TBC1D8: variants seen among roughly 807,000 people sequenced by gnomAD.
The protein encoded by TBC1D8 is TBC1 domain family member 8.
In TBC1D8, 65 loss-of-function variants were observed where a neutral mutation model predicts 118.8. The ratio of observed to expected loss-of-function variants is 0.55; its 90% CI spans 0.45 to 0.67. The LOEUF is 0.67. TBC1D8 is among the 30% of genes least tolerant of loss of function. The pLI is 0.00. For missense variants in TBC1D8, 1,376 were observed against 1,471.2 expected, an observed-to-expected ratio of 0.94 and a Z score of 1.06; for synonymous variants, 566 against 595.8, an observed-to-expected ratio of 0.95 and a Z score of 0.73.
chr2:101,063,086 C>T (rs781764593), intron 2 of TBC1D8, among the ~76,000 whole-genome samples: 4 of 152,170 alleles, frequency 2.6e-5, no homozygotes, highest in African/African-American at 9.7e-5. Flanking sequence ...TCCTTTCGGA[C>T]GACCTGATAC....
At chr2:101,037,834 G>T in intron 7 of TBC1D8, 126 bp from the exon 8 acceptor site, 2 of 1,177,922 alleles carry the variant, frequency 1.7e-6, no homozygotes, top group Non-Finnish European at 2.4e-6. Context: ...GACTCAGGGG[G>T]AAGACAGACT....
chr2:101,069,066 G>A (rs1037564417), intron 2 of TBC1D8, among the ~76,000 whole-genome samples: 1 of 150,446 alleles, frequency 6.6e-6, no homozygotes, highest in Non-Finnish European at 1.5e-5. Flanking sequence ...TTTGGAGGCC[G>A]AGGCGGGTGG....
At chr2:101,059,357 T>C in intron 3 of TBC1D8, 64 bp downstream of exon 3, 1 of 1,328,386 alleles carries the variant, frequency 7.5e-7, no homozygotes, top group Non-Finnish European at 1.1e-6. Context: ...TGCTACAGTG[T>C]TCGGAATGTC....
At chr2:101,138,004 G>T (rs1279809402) in intron 1 of TBC1D8, among the ~76,000 whole-genome samples, 2 of 152,200 alleles carry the variant, frequency 1.3e-5, no homozygotes, top group African/African-American at 4.8e-5. Context: ...GGCTGGAGAG[G>T]CCTCAGGGAG....
chr2:101,033,508 A>G (rs1258051973), intron 10 of TBC1D8, 36 bp downstream of exon 10: 4 of 1,611,784 alleles, frequency 2.5e-6, no homozygotes, highest in Non-Finnish European at 2.5e-6. Flanking sequence ...GACACCAACT[A>G]AAGACTCTCT....
At chr2:101,141,907 G>C (rs1212154727) in intron 1 of TBC1D8, among the ~76,000 whole-genome samples, 1 of 151,742 alleles carries the variant, frequency 6.6e-6, no homozygotes, top group Non-Finnish European at 1.5e-5. Context: ...TTCTCAGAAG[G>C]AAAAACAAAT....
intron 5 of TBC1D8, among the ~76,000 whole-genome samples, chr2:101,047,288 T>G (rs1573932440): frequency 6.6e-6 from 1 of 152,290 alleles, no homozygotes; most frequent in South Asian, 2.1e-4. Flanking sequence ...TACGAGCGGC[T>G]CCGCACTGTG....
rs189078649 is a variant in TBC1D8 at position 101,101,700 on chromosome 2, C to T, written c.128-11336G>A. 3.0e-3 allele frequency among the ~76,000 whole-genome samples: 463 copies of T among 152,208 alleles called. 3 individuals are homozygous for T. The highest frequency in any genetic ancestry group is 0.01 in the African/African-American group (429 of 41,526). ...AAGAAAATGTGGTACATATACACTA[C>T]AGAATACTATGCAGCCATAAAAAGG... On this transcript the variant is annotated intron_variant, in intron 1 of 19. Transcript: ENST00000409318.
chr2:101,131,658 C>T (rs540618789), intron 1 of TBC1D8, among the ~76,000 whole-genome samples: 56 of 150,212 alleles, frequency 3.7e-4, no homozygotes, highest in Middle Eastern at 7.0e-3. Flanking sequence ...ACTAAAAATA[C>T]GAAAAAATTA....
At chr2:101,096,733 C>CA (rs1676471827) in intron 1 of TBC1D8, among the ~76,000 whole-genome samples, 1 of 150,412 alleles carries the variant, frequency 6.6e-6, no homozygotes, top group Admixed American at 6.7e-5. Context: ...GGAAAAAAAT[C>CA]AGTGAGCTAG....
chr2:101,066,807 T>G (rs1683038966), intron 2 of TBC1D8, among the ~76,000 whole-genome samples: 1 of 152,044 alleles, frequency 6.6e-6, no homozygotes, highest in African/African-American at 2.4e-5. Context: ...TAGCCAGATG[T>G]GGTGGCATGC....
At position 101,118,135 on chromosome 2, in the gene TBC1D8, T is replaced by C. The variant is rs550862937; in HGVS notation, c.128-27771A>G. On this transcript the variant is annotated intron_variant, in intron 1 of 19. Coordinates refer to ENST00000409318, the MANE Select transcript of TBC1D8 (RefSeq NM_001330348.2). ...CCCTTCAACATGGGGAGGGGACTGC[T>C]TGGCAACACAGCCAGACCGCCATGT... Among the ~76,000 whole-genome samples the C allele has an allele frequency of 1.1e-3, 174 of 152,250 alleles. 1 individual carries two copies. The highest frequency in any genetic ancestry group is 3.9e-3 in the African/African-American group (164 of 41,540).
intron 2 of TBC1D8, among the ~76,000 whole-genome samples, chr2:101,071,465 T>C (rs757404731): frequency 6.6e-6 from 1 of 152,264 alleles, no homozygotes; most frequent in South Asian, 2.1e-4. Context: ...AGTTAATTGT[T>C]ATTGACTGGT....
Position 101,026,930 on chromosome 2 carries a change from T to C in TBC1D8, c.2520+453A>G, listed in dbSNP as rs539928044. On this transcript the variant is annotated intron_variant, in intron 15 of 19. Transcript: ENST00000409318. ...TGTTAAGGAAAAATAGAATATGAACTTGAATGCATATCTGCCACACAAATA... is the reference window on the plus strand; with the variant it reads ...TGTTAAGGAAAAATAGAATATGAACCTGAATGCATATCTGCCACACAAATA... Among the ~76,000 whole-genome samples, 5 of 152,338 alleles carry C rather than the reference T, an allele frequency of 3.3e-5. No homozygotes were observed. In the South Asian group the frequency reaches 1.0e-3, roughly 32 times the overall value.
chr2:101,024,046 A>G (rs1472031577), intron 15 of TBC1D8: 1 of 152,398 alleles, frequency 6.6e-6, no homozygotes, highest in Non-Finnish European at 1.5e-5. Context: ...AAGGTACACC[A>G]TGAATTTCTA....
chr2:101,017,948 T>C, intron 17 of TBC1D8: 1 of 1,549,966 alleles, frequency 6.5e-7, no homozygotes, highest in South Asian at 1.2e-5. Context: ...TTTTCTTCTC[T>C]ACTTGGTGAA....
At chr2:101,009,355 G>A (rs1376484568) in intron 19 of TBC1D8, among the ~76,000 whole-genome samples, 12 of 150,152 alleles carry the variant, frequency 8.0e-5, no homozygotes, top group Non-Finnish European at 1.5e-4. Context: ...GCAGTGAGCC[G>A]AGATCGTGCC....
rs1297359804 is a variant in TBC1D8 at position 101,009,864 on chromosome 2, C to CA, written c.3015+1064dup. ...TGAGATGGAGTCTCGCTCTGTCGCC[C>CA]AGGCTGGAGTGCAGTGGTGCGATCT... On this transcript the variant is annotated intron_variant, in intron 19 of 19. Transcript: ENST00000409318. Among the ~76,000 whole-genome samples the CA allele has an allele frequency of 5.3e-5, 8 of 150,636 alleles. No individual in the cohort carries two copies. In the South Asian group the frequency reaches 1.7e-3, roughly 32 times the overall value.
At chr2:101,054,667 CTT>C (rs146225304) in intron 3 of TBC1D8, among the ~76,000 whole-genome samples, 2 of 21,300 alleles carry the variant, frequency 9.4e-5, no homozygotes, top group African/African-American at 3.4e-4. Flanking sequence ...ATTTTCTTTT[CTT>C]TTCTTTTTTT....
Sources: allele counts gnomAD v4.1 joint callset (sites outside exome capture counted in the v4.1 genomes callset), GRCh38; gene constraint gnomAD v4.1.1; transcripts MANE v1.5; gene names NCBI Gene and HGNC (gene_info 2026-07-23, HGNC 2026-07-21).